Variants in STOX2 observed in about 807,000 individuals in gnomAD.
The protein encoded by STOX2 is storkhead box 2, also known as storkhead-box protein 2.
STOX2 carries 28 observed loss-of-function variants against 60.9 expected under a neutral mutation model. That is an observed-to-expected ratio of 0.46 (90% CI 0.34 to 0.63). STOX2 has a LOEUF of 0.63. Among genes scored for constraint, STOX2 ranks in the 30% least tolerant of loss-of-function variants. STOX2 has a pLI of 0.01. For synonymous variants in STOX2, 472 were observed against 463.9 expected (o/e 1.02, Z -0.22); for missense variants, 1,024 against 1,187.7 (o/e 0.86, Z 2.03).
At chr4:183,997,161 C>T (rs938420570) in intron 1 of STOX2, among the ~76,000 whole-genome samples, 9 of 152,226 alleles carry the variant, frequency 5.9e-5, no homozygotes, top group African/African-American at 2.2e-4. Flanking sequence ...GTAAACTCGG[C>T]TGTGATGGAA....
At chr4:183,954,392 G>T (rs1156458661) in intron 1 of STOX2, among the ~76,000 whole-genome samples, 3 of 151,980 alleles carry the variant, frequency 2.0e-5, no homozygotes, top group Non-Finnish European at 4.4e-5. Flanking sequence ...AGGTTCAAGC[G>T]ATTCTCTTGC....
chr4:183,898,293 G>A (rs896394106), intron 1 of STOX2, among the ~76,000 whole-genome samples: 1 of 152,086 alleles, frequency 6.6e-6, no homozygotes, highest in African/African-American at 2.4e-5. Context: ...AGTGAGAGGA[G>A]GTGATTGAGA....
At chr4:183,967,466 A>C (rs1216964049) in intron 1 of STOX2, among the ~76,000 whole-genome samples, 1 of 151,992 alleles carries the variant, frequency 6.6e-6, no homozygotes, top group Non-Finnish European at 1.5e-5. Flanking sequence ...TGAGTGGTGC[A>C]AGAGGAAGAA....
At position 183,865,959 on chromosome 4, in the gene STOX2, AGTTGACACAG is replaced by A. The variant is rs1312411418; in HGVS notation, c.364+67907_364+67916del. Among the ~76,000 whole-genome samples, 1 of 152,174 alleles carries A rather than the reference AGTTGACACAG, an allele frequency of 6.6e-6. No individual in the cohort carries two copies. The highest frequency in any genetic ancestry group is 1.5e-5 in the Non-Finnish European group (1 of 68,046). On this transcript the variant is annotated intron_variant, in intron 1 of 2. Transcript: ENST00000513034. The surrounding 1 kb of genome is among the most constrained non-coding windows in gnomAD (Gnocchi z 4.1). ...AGGCTTTAGGAAAAATGGAAGACGG[AGTTGACACAG>A]GTGAATAAAATGAGGGTTCCACTGA...
intron 1 of STOX2, among the ~76,000 whole-genome samples, chr4:183,830,702 T>C (rs1739545749): frequency 6.6e-6 from 1 of 152,172 alleles, no homozygotes; most frequent in Non-Finnish European, 1.5e-5. Flanking sequence ...CCTTTCATCA[T>C]AGGCCAATGG....
chr4:183,948,144 G>A (rs868863155), intron 1 of STOX2, among the ~76,000 whole-genome samples: 14 of 141,810 alleles, frequency 9.9e-5, no homozygotes, highest in Middle Eastern at 8.3e-3. Context: ...CTTGAACCTG[G>A]CAGGTGGAGG....
Position 184,017,581 on chromosome 4 carries a change from G to A in STOX2, c.*297G>A, listed in dbSNP as rs546690894. The A allele has an allele frequency of 2.7e-5, 6 of 218,314 alleles. No individual in the cohort carries two copies. Among genetic ancestry groups the A allele is most frequent in the East Asian group, 2.0e-4 (2 of 9,918 alleles). 13.5% of individuals were successfully genotyped at this position (218,314 alleles called of 1,614,324 possible). A position where few individuals can be genotyped will look rare whatever the true frequency, so the allele number is the denominator to read the frequency against. On this transcript the variant is annotated 3_prime_UTR_variant, in exon 4 of 4. Transcript: ENST00000308497. ...AGTCTAGACACTGTAAGTGTAATAC[G>A]CATTTTCAATGTCATGCAGTTGCCA...
chr4:183,916,939 C>T (rs555076600), intron 1 of STOX2, among the ~76,000 whole-genome samples: 1 of 152,272 alleles, frequency 6.6e-6, no homozygotes, highest in East Asian at 1.9e-4. Context: ...GTGACCGAGC[C>T]GCTCCTTCTC....
chr4:183,944,890 TG>T (rs1176878504), intron 1 of STOX2, among the ~76,000 whole-genome samples: 2 of 152,232 alleles, frequency 1.3e-5, no homozygotes, highest in Non-Finnish European at 2.9e-5. Flanking sequence ...TTTTATCTAA[TG>T]TCTACCATGT....
At chr4:183,930,501 CT>C (rs57299957) in intron 1 of STOX2, among the ~76,000 whole-genome samples, 36,917 of 146,100 alleles carry the variant, frequency 0.25, 8,568 homozygotes, top group African/African-American at 0.62. Flanking sequence ...CACCATGCCC[CT>C]TTTTTTTTTG....
intron 1 of STOX2, among the ~76,000 whole-genome samples, chr4:183,948,527 T>C (rs1055176631): frequency 7.0e-6 from 1 of 143,840 alleles, no homozygotes; most frequent in African/African-American, 2.5e-5. Context: ...TGTTAACTTG[T>C]TAATGCCTTA....
chr4:183,828,820 C>T (rs1739494883), intron 1 of STOX2, among the ~76,000 whole-genome samples: 1 of 152,150 alleles, frequency 6.6e-6, no homozygotes, highest in South Asian at 2.1e-4. Flanking sequence ...TTGTGATGTA[C>T]CTTGAGCCTG....
At chr4:183,852,737 G>A (rs951741505) in intron 1 of STOX2, among the ~76,000 whole-genome samples, 14 of 152,184 alleles carry the variant, frequency 9.2e-5, no homozygotes, top group African/African-American at 3.4e-4. Context: ...TAAGGAAGAG[G>A]AAATTAATTT....
At chr4:183,889,828 G>A (rs1741165440) in intron 1 of STOX2, among the ~76,000 whole-genome samples, 2 of 152,108 alleles carry the variant, frequency 1.3e-5, no homozygotes, top group Admixed American at 6.6e-5. Flanking sequence ...AAGGATGGCT[G>A]GAAACCTTTG....
rs1245136326 is a variant in STOX2, at chr4:183,806,254, AAAATGACTTGCT to A, written c.364+8200_364+8211del. ...AAAGTGACAGCCCATCTGTCAGTGTAAAATGACTTGCTTCTGTAAGCAGGATGTCACCTCCCC... is the reference window on the plus strand; with the variant it reads ...AAAGTGACAGCCCATCTGTCAGTGTATCTGTAAGCAGGATGTCACCTCCCC... On this transcript the variant is annotated intron_variant, in intron 1 of 2. Coordinates refer to the STOX2 transcript ENST00000513034. This position sits in a 1 kb window ranked among gnomAD's most constrained non-coding sequence, Gnocchi z 4.1. Among the ~76,000 whole-genome samples the A allele has an allele frequency of 6.6e-6, 1 of 152,214 alleles. No homozygotes were observed. Among genetic ancestry groups the A allele is most frequent in the African/African-American group, 2.4e-5 (1 of 41,456 alleles).
Position 184,010,873 on chromosome 4 carries a change from C to T in STOX2, c.2035C>T (p.Arg679Cys), listed in dbSNP as rs568960165. 24 of 1,610,152 alleles carry T rather than the reference C, an allele frequency of 1.5e-5. No individual in the cohort carries two copies. Among genetic ancestry groups the T allele is most frequent in the African/African-American group, 2.7e-5 (2 of 74,878 alleles). Residue 679 changes from arginine (R) to cysteine (C), a missense_variant, in exon 3 of 4, where the codon CGC (arginine) becomes TGC (cysteine). By Grantham distance (180) the Arg-to-Cys change is radical. Transcript: ENST00000308497. The surrounding 1 kb of genome is among the most constrained non-coding windows in gnomAD (Gnocchi z 4.5). The stretch of plus-strand genomic sequence containing the variant: ...AGTGGCTGAAGGGATCGCCAACGGA[C>T]GCCTCGTCCAGCACCATGGTGCCGA... ...GGVAEGIANGRLVQHHGAEPS... is the reference protein window; with the variant it reads ...GGVAEGIANGCLVQHHGAEPS...
chr4:183,998,389 T>A (rs1733437369), intron 1 of STOX2, among the ~76,000 whole-genome samples: 1 of 151,586 alleles, frequency 6.6e-6, no homozygotes, highest in Non-Finnish European at 1.5e-5. Context: ...GGAGGTGGAG[T>A]GAGAGAGAAG....
At chr4:183,918,289 C>T (rs1741989167) in intron 1 of STOX2, among the ~76,000 whole-genome samples, 1 of 152,202 alleles carries the variant, frequency 6.6e-6, no homozygotes, top group Non-Finnish European at 1.5e-5. Flanking sequence ...GCTCATTTGT[C>T]CTTGAACTTC....
intron 1 of STOX2, among the ~76,000 whole-genome samples, chr4:183,926,640 T>C (rs1394535858): frequency 2.0e-5 from 3 of 152,176 alleles, no homozygotes; most frequent in Non-Finnish European, 4.4e-5. Context: ...TTTTTTCTTT[T>C]TGAGACAGAG....
Sources: gnomAD v4.1 joint callset for allele counts (sites outside exome capture counted in the v4.1 genomes callset) on GRCh38, gnomAD v4.1.1 for gene constraint, Gnocchi (gnomAD v3.1) non-coding constraint, MANE v1.5 for transcripts, NCBI Gene and HGNC (gene_info 2026-07-23, HGNC 2026-07-21) for gene names.